CRTAC1: variants seen among roughly 807,000 people sequenced by gnomAD.
CRTAC1 encodes acidic secreted protein in cartilage.
CRTAC1 carries 37 observed loss-of-function variants against 67.8 expected under a neutral mutation model. That is an observed-to-expected ratio of 0.55 (90% confidence interval 0.42 to 0.72). The LOEUF (loss-of-function observed/expected upper bound fraction) is 0.72, where lower values mean the gene tolerates loss of function less well. Ranked by LOEUF, CRTAC1 falls within the 30% of genes least tolerant of loss-of-function variation. CRTAC1 has a pLI of 0.00. For synonymous variants in CRTAC1, 348 were observed against 371.0 expected, an observed-to-expected ratio of 0.94 and a Z score of 0.71; for missense variants, 780 against 931.6, an observed-to-expected ratio of 0.84 and a Z score of 2.12.
In CRTAC1 at chr10:97,919,767, C is replaced by G. The variant is rs530324193; in HGVS notation, c.559-2111G>C. 2.3e-3 allele frequency among the ~76,000 whole-genome samples: 81 copies of G among 35,162 alleles called. No homozygotes were observed. The East Asian group carries it at 0.092, about 40-fold the overall frequency. 23.1% of individuals were successfully genotyped at this position (35,162 alleles called of 152,430 possible). Reference sequence around the variant, plus strand: ...GTTTGAGATGCACTGCTTTACAGTACAGCCTTTTTTTTTTTTTTTAAGACA... The same window carrying G: ...GTTTGAGATGCACTGCTTTACAGTAGAGCCTTTTTTTTTTTTTTTAAGACA... On this transcript the variant is annotated intron_variant, in intron 4 of 14. Coordinates refer to ENST00000370597, the MANE Select transcript of CRTAC1 (RefSeq NM_018058.7).
At chr10:97,889,564 A>G (rs1332032356) in intron 11 of CRTAC1, among the ~76,000 whole-genome samples, 1 of 151,768 alleles carries the variant, frequency 6.6e-6, no homozygotes, top group Non-Finnish European at 1.5e-5. Flanking sequence ...CCCCGCATGC[A>G]CTCATTACCC....
intron 14 of CRTAC1, chr10:97,878,814 T>C (rs2050175959): frequency 2.4e-6 from 2 of 817,324 alleles, no homozygotes; most frequent in African/African-American, 1.8e-5. Flanking sequence ...TTAGGGAAAC[T>C]GAGGCACAGC....
At chr10:97,876,763 C>A (rs968656976) in intron 14 of CRTAC1, among the ~76,000 whole-genome samples, 1 of 152,092 alleles carries the variant, frequency 6.6e-6, no homozygotes, top group Non-Finnish European at 1.5e-5. Flanking sequence ...ACGGTTTGGG[C>A]TCCCACGGGT....
chr10:98,011,806 TG>T (rs1842914859), intron 1 of CRTAC1, among the ~76,000 whole-genome samples: 1 of 151,990 alleles, frequency 6.6e-6, no homozygotes, highest in South Asian at 2.1e-4. Flanking sequence ...GGGAGGGAGA[TG>T]GGGAGGGAAA....
intron 14 of CRTAC1, chr10:97,869,989 T>C (rs993004192): frequency 6.6e-6 from 1 of 152,204 alleles, no homozygotes; most frequent in Non-Finnish European, 1.5e-5. Context: ...TCTGGCTTCA[T>C]GACACTGACA....
chr10:97,974,380 G>C (rs1030357251), intron 2 of CRTAC1, among the ~76,000 whole-genome samples: 4 of 152,150 alleles, frequency 2.6e-5, no homozygotes, highest in Non-Finnish European at 4.4e-5. Context: ...TGAGGTTCAC[G>C]TGCACTCAGG....
chr10:97,965,328 T>A (rs560147177), intron 2 of CRTAC1, among the ~76,000 whole-genome samples: 2 of 152,280 alleles, frequency 1.3e-5, no homozygotes, highest in South Asian at 4.1e-4. Flanking sequence ...ATGAAGTAGG[T>A]TCTATTAGTA....
At chr10:97,865,812 G>T in intron 14 of CRTAC1, 98 bp from the exon 15 acceptor site, 2 of 1,367,698 alleles carry the variant, frequency 1.5e-6, no homozygotes, top group Non-Finnish European at 1.9e-6. Flanking sequence ...GGCTCACCCT[G>T]CTGCCCGGGG....
chr10:97,962,220 G>A (rs1330484621), intron 2 of CRTAC1, among the ~76,000 whole-genome samples: 1 of 152,206 alleles, frequency 6.6e-6, no homozygotes, highest in Admixed American at 6.5e-5. Flanking sequence ...AAGGGAGGGA[G>A]AAGGTGAGCA....
At position 97,962,875 on chromosome 10, in the gene CRTAC1, C is replaced by CA. The variant is rs1218828514; in HGVS notation, c.225-26510dup. On this transcript the variant is annotated intron_variant, in intron 2 of 14. Transcript: ENST00000370597. ...CAACATGCCAGGAGGAAAAGAATAG[C>CA]AAAAAAAACCAAAACAAAAACAAAA... 1.7e-4 allele frequency among the ~76,000 whole-genome samples: 26 copies of CA among 149,204 alleles called. 1 individual carries two copies. The highest frequency in any genetic ancestry group is 1.1e-3 in the Admixed American group (16 of 15,014).
intron 2 of CRTAC1, among the ~76,000 whole-genome samples, chr10:97,947,229 C>T (rs898332557): frequency 3.3e-5 from 5 of 152,126 alleles, no homozygotes; most frequent in Non-Finnish European, 7.3e-5. Flanking sequence ...AGGCACACCG[C>T]GAGGTACTGT....
In CRTAC1 at chr10:98,010,465, T is replaced by C. The variant is rs535250616; in HGVS notation, c.224+673A>G. Among the ~76,000 whole-genome samples the C allele has an allele frequency of 3.9e-5, 6 of 152,294 alleles. No individual in the cohort carries two copies. The South Asian group carries it at 1.2e-3, about 32-fold the overall frequency. On this transcript the variant is annotated intron_variant, in intron 2 of 14. Transcript: ENST00000370597. ...TATTCCCCTTTTTACAGATGATATCTCTGAATGTCAGTGAGTAAGAGACTC... is the reference window on the plus strand; with the variant it reads ...TATTCCCCTTTTTACAGATGATATCCCTGAATGTCAGTGAGTAAGAGACTC...
chr10:98,008,086 C>A (rs181718716), intron 2 of CRTAC1, among the ~76,000 whole-genome samples: 233 of 152,260 alleles, frequency 1.5e-3, no homozygotes, highest in Non-Finnish European at 2.4e-3. Flanking sequence ...TCCCTTTGAC[C>A]TGGAAAGGAT....
At chr10:97,982,090 T>C (rs2051900777) in intron 2 of CRTAC1, among the ~76,000 whole-genome samples, 1 of 152,214 alleles carries the variant, frequency 6.6e-6, no homozygotes, top group South Asian at 2.1e-4. Flanking sequence ...CTCTTGCCAA[T>C]GGCAAGAAAA....
At chr10:97,876,626 C>T (rs1445514516) in intron 14 of CRTAC1, among the ~76,000 whole-genome samples, 3 of 152,088 alleles carry the variant, frequency 2.0e-5, no homozygotes, top group South Asian at 2.1e-4. Flanking sequence ...ACTTGACTGC[C>T]CCTAAAGGCA....
At position 97,944,384 on chromosome 10, in the gene CRTAC1, A is replaced by G. The variant is rs777974164; in HGVS notation, c.225-8018T>C. Among the ~76,000 whole-genome samples the G allele has an allele frequency of 5.1e-4, 77 of 152,178 alleles. 1 individual carries two copies. The highest frequency in any genetic ancestry group is 1.4e-3 in the Admixed American group (21 of 15,286). The stretch of plus-strand genomic sequence containing the variant: ...GAGGCAGATGTTGCAGTAAGCCAAG[A>G]TCGCCCCATTGCTGTCAAGCCTGGG... On this transcript the variant is annotated intron_variant, in intron 2 of 14. Coordinates refer to ENST00000370597, the MANE Select transcript of CRTAC1 (RefSeq NM_018058.7).
At chr10:97,939,632 C>G (rs1350473007) in intron 2 of CRTAC1, among the ~76,000 whole-genome samples, 1 of 152,168 alleles carries the variant, frequency 6.6e-6, no homozygotes, top group Non-Finnish European at 1.5e-5. Flanking sequence ...TCACAATCCC[C>G]CAAGAAAACC....
At chr10:97,961,522 T>C (rs1425536925) in intron 2 of CRTAC1, among the ~76,000 whole-genome samples, 2 of 152,216 alleles carry the variant, frequency 1.3e-5, no homozygotes, top group Admixed American at 6.5e-5. Flanking sequence ...ATTACGAGTC[T>C]GGATCTTGGG....
At chr10:98,019,506 A>G (rs372483557) in intron 1 of CRTAC1, among the ~76,000 whole-genome samples, 3 of 152,340 alleles carry the variant, frequency 2.0e-5, no homozygotes, top group East Asian at 3.9e-4. Context: ...TGCACAGGAC[A>G]GCCCCCACAA....
Sources: gnomAD v4.1 joint callset for allele counts (sites outside exome capture counted in the v4.1 genomes callset) on GRCh38, gnomAD v4.1.1 for gene constraint, MANE v1.5 for transcripts, NCBI Gene and HGNC (gene_info 2026-07-23, HGNC 2026-07-21) for gene names.